The following DPYD variants were observed in gnomAD, a reference collection of about 807,000 sequenced individuals.
The protein encoded by DPYD is dihydropyrimidine dehydrogenase [NADP(+)].
A neutral mutation model predicts 116.2 loss-of-function variants in DPYD; 109 were observed. The ratio of observed to expected loss-of-function variants is 0.94; its 90% confidence interval spans 0.80 to 1.10. The LOEUF is 1.10. Ranked by LOEUF, DPYD falls within the 50% of genes least tolerant of loss-of-function variation. The pLI is 0.00. For missense variants in DPYD, 1,302 were observed against 1,254.5 expected (o/e 1.04, Z -0.57); for synonymous variants, 440 against 432.0 (o/e 1.02, Z -0.23).
At chr1:97,570,344 T>A (rs1278686477) in intron 11 of DPYD, among the ~76,000 whole-genome samples, 1 of 152,006 alleles carries the variant, frequency 6.6e-6, no homozygotes, top group Non-Finnish European at 1.5e-5. Context: ...ATGTACTCTG[T>A]CAAGTTTACT....
chr1:97,741,084 C>T (rs1450216462), intron 3 of DPYD, among the ~76,000 whole-genome samples: 4 of 152,132 alleles, frequency 2.6e-5, no homozygotes, highest in African/African-American at 4.8e-5. Flanking sequence ...ATTCCCACAG[C>T]TGCCTTCCCT....
chr1:97,232,411 C>G (rs1332198681), intron 19 of DPYD, among the ~76,000 whole-genome samples: 1 of 152,076 alleles, frequency 6.6e-6, no homozygotes, highest in East Asian at 1.9e-4. Flanking sequence ...TGGAAGTCTA[C>G]CTTGACCTCT....
In DPYD at chr1:97,373,672, A is replaced by C. The variant is rs778789558; in HGVS notation, c.1975-28T>G. The stretch of plus-strand genomic sequence containing the variant: ...TTAAACAAGAAAGGAAAATGAAAGA[A>C]AAGGCAAAGCTTTATTTATATACCA... On this transcript the variant is annotated intron_variant, in intron 15 of 22. Transcript: ENST00000370192. 6 of 1,598,788 alleles carry C rather than the reference A, an allele frequency of 3.8e-6. No homozygotes were observed. In the South Asian group the frequency reaches 4.4e-5, roughly 12 times the overall value.
At chr1:97,528,146 G>GGA (rs1261168255) in intron 12 of DPYD, among the ~76,000 whole-genome samples, 1 of 151,980 alleles carries the variant, frequency 6.6e-6, no homozygotes, top group Non-Finnish European at 1.5e-5. Flanking sequence ...ATCTATTGAG[G>GGA]GAAAAATCTT....
intron 14 of DPYD, among the ~76,000 whole-genome samples, chr1:97,400,417 T>C (rs1247297181): frequency 2.0e-5 from 3 of 152,154 alleles, no homozygotes; most frequent in Non-Finnish European, 4.4e-5. Flanking sequence ...TATCTTTTTC[T>C]GTTGTGTCTC....
chr1:97,645,491 A>C (rs1658205418), intron 8 of DPYD, among the ~76,000 whole-genome samples: 1 of 152,130 alleles, frequency 6.6e-6, no homozygotes, highest in South Asian at 2.1e-4. Flanking sequence ...CCATGTAAGA[A>C]ATAACTTGTC....
At chr1:97,777,900 T>G (rs1316532941) in intron 3 of DPYD, among the ~76,000 whole-genome samples, 3 of 151,888 alleles carry the variant, frequency 2.0e-5, no homozygotes, top group Non-Finnish European at 4.4e-5. Context: ...GGCTCACACC[T>G]GTAATCAAGC....
intron 10 of DPYD, among the ~76,000 whole-genome samples, chr1:97,576,873 C>T (rs1225164917): frequency 1.3e-5 from 2 of 152,140 alleles, no homozygotes; most frequent in African/African-American, 2.4e-5. Context: ...ACATGTAGAA[C>T]TAGACTATTA....
intron 8 of DPYD, among the ~76,000 whole-genome samples, chr1:97,678,834 G>C (rs1474134846): frequency 6.6e-6 from 1 of 152,070 alleles, no homozygotes; most frequent in Non-Finnish European, 1.5e-5. Context: ...TTTCTTCCTA[G>C]AGATTCTCAC....
At chr1:97,220,629 A>G (rs1350394626) in intron 19 of DPYD, among the ~76,000 whole-genome samples, 1 of 152,164 alleles carries the variant, frequency 6.6e-6, no homozygotes, top group African/African-American at 2.4e-5. Context: ...TTCATTGAGG[A>G]CATTATTTTC....
At chr1:97,636,757 C>T (rs569734963) in intron 8 of DPYD, among the ~76,000 whole-genome samples, 3 of 152,092 alleles carry the variant, frequency 2.0e-5, no homozygotes, top group East Asian at 3.9e-4. Flanking sequence ...TGTCTGAATT[C>T]TTTAATCTCT....
At chr1:97,655,269 CA>C (rs1658839321) in intron 8 of DPYD, among the ~76,000 whole-genome samples, 1 of 152,196 alleles carries the variant, frequency 6.6e-6, no homozygotes, top group Non-Finnish European at 1.5e-5. Context: ...TGGGATCCCA[CA>C]ATGAAGTGTC....
chr1:97,162,375 T>C (rs1254795359), intron 20 of DPYD, among the ~76,000 whole-genome samples: 1 of 152,104 alleles, frequency 6.6e-6, no homozygotes. Context: ...GAACTCCCAT[T>C]CACAATTGCT....
rs202011255 is a variant in DPYD, at chr1:97,699,551, C to A, written c.484-4G>T. The A allele has an allele frequency of 2.5e-6, 4 of 1,612,922 alleles. No individual in the cohort carries two copies. The highest frequency in any genetic ancestry group is 2.7e-5 in the African/African-American group (2 of 74,936). On this transcript the variant is annotated splice_polypyrimidine_tract_variant and splice_region_variant and intron_variant, in intron 5 of 22. Transcript: ENST00000370192. ...GGATACTCATTGCTTTGAATACCTA[C>A]GGGGAAATCAATTGTCATGGTTAAA...
At chr1:97,503,534 G>A (rs944154622) in intron 13 of DPYD, among the ~76,000 whole-genome samples, 6 of 152,014 alleles carry the variant, frequency 3.9e-5, no homozygotes, top group African/African-American at 7.2e-5. Flanking sequence ...TGGCTTTGTC[G>A]AAGCTTTCTC....
intron 20 of DPYD, among the ~76,000 whole-genome samples, chr1:97,155,113 G>T (rs762229523): frequency 3.3e-5 from 5 of 152,150 alleles, no homozygotes; most frequent in Non-Finnish European, 7.4e-5. Context: ...TCTTTGCAGG[G>T]AACGTATATG....
At chr1:97,640,417 T>C (rs1003535920) in intron 8 of DPYD, among the ~76,000 whole-genome samples, 2 of 152,146 alleles carry the variant, frequency 1.3e-5, no homozygotes, top group African/African-American at 4.8e-5. Flanking sequence ...CAAGCAGTTC[T>C]CCTGCCTCAG....
chr1:97,559,527 T>G (rs1450158726), intron 11 of DPYD, among the ~76,000 whole-genome samples: 1 of 152,178 alleles, frequency 6.6e-6, no homozygotes, highest in Non-Finnish European at 1.5e-5. Context: ...CTGCAGTATA[T>G]CTGTGAAGCT....
At chr1:97,894,802 A>G (rs1026715946) in intron 1 of DPYD, among the ~76,000 whole-genome samples, 1 of 151,642 alleles carries the variant, frequency 6.6e-6, no homozygotes, top group Admixed American at 6.6e-5. Flanking sequence ...ACTGTACTTT[A>G]TTTTAAAATT....
Sources: gnomAD v4.1 joint callset for allele counts (sites outside exome capture counted in the v4.1 genomes callset) on GRCh38, gnomAD v4.1.1 for gene constraint, MANE v1.5 for transcripts, NCBI Gene and HGNC (gene_info 2026-07-23, HGNC 2026-07-21) for gene names.